The following MTHFD1 variants were observed in gnomAD, a reference collection of about 807,000 sequenced individuals.
MTHFD1 encodes methylenetetrahydrofolate dehydrogenase, cyclohydrolase and formyltetrahydrofolate synthetase 1.
In MTHFD1, 44 loss-of-function variants were observed where a neutral mutation model predicts 110.3. The observed-to-expected ratio is 0.40, with a 90% confidence interval of 0.31 to 0.51. The LOEUF (loss-of-function observed/expected upper bound fraction) is 0.51. Among genes scored for constraint, MTHFD1 ranks in the 20% least tolerant of loss-of-function variants. The pLI, the probability that MTHFD1 is intolerant of heterozygous loss-of-function variation, is 0.60. For synonymous variants in MTHFD1, 402 were observed against 428.8 expected, an observed-to-expected ratio of 0.94 and a Z score of 0.77; for missense variants, 909 against 1,173.1, an observed-to-expected ratio of 0.77 and a Z score of 3.29.
intron 23 of MTHFD1, chr14:64,449,042 T>G (rs974804791): frequency 1.8e-4 from 59 of 319,528 alleles, no homozygotes; most frequent in Middle Eastern, 2.3e-3. Context: ...CTCGTGATTC[T>G]CCCACCTCGG....
At chr14:64,408,711 C>T (rs1466704945) in intron 2 of MTHFD1, among the ~76,000 whole-genome samples, 1 of 152,184 alleles carries the variant, frequency 6.6e-6, no homozygotes, top group Non-Finnish European at 1.5e-5. Flanking sequence ...AGCACTTTGG[C>T]AGGCTGAGGC....
intron 8 of MTHFD1, among the ~76,000 whole-genome samples, chr14:64,423,908 T>A (rs1222761444): frequency 6.6e-6 from 1 of 151,788 alleles, no homozygotes; most frequent in South Asian, 2.1e-4. Context: ...TTTGTATTTT[T>A]AGCAGAGACG....
chr14:64,451,532 A>C lies in MTHFD1; in HGVS notation c.2457+1910A>C, dbSNP rs1354808692. On this transcript the variant is annotated intron_variant, in intron 24 of 27. Coordinates refer to ENST00000652337, the MANE Select transcript of MTHFD1 (RefSeq NM_005956.4). ...AAGTTTTAAAATCTGTTCAGCAATC[A>C]TCCTTTTAGAAAAATGCCATAAACA... Among the ~76,000 whole-genome samples the C allele has an allele frequency of 2.0e-5, 3 of 152,244 alleles. No individual in the cohort carries two copies. The East Asian group carries it at 5.8e-4, about 29-fold the overall frequency.
At chr14:64,404,898 G>A (rs1381884077) in intron 2 of MTHFD1, among the ~76,000 whole-genome samples, 1 of 152,040 alleles carries the variant, frequency 6.6e-6, no homozygotes, top group Non-Finnish European at 1.5e-5. Flanking sequence ...TTGAACCTGG[G>A]GGACAGAGGT....
At chr14:64,449,057 C>T (rs897161649) in intron 23 of MTHFD1, 19 of 324,862 alleles carry the variant, frequency 5.8e-5, no homozygotes, top group Admixed American at 3.2e-4. Flanking sequence ...CCTCGGCCTC[C>T]CAAAGTGTTG....
chr14:64,392,364 A>G lies in MTHFD1; in HGVS notation c.41+3896A>G, dbSNP rs572743608. On this transcript the variant is annotated intron_variant, in intron 1 of 27. Transcript: ENST00000652337. ...TGTTGGAAGACCCACCTTGCTTTGT[A>G]GGCAAGAAAGCATAGTTGTTCTATA... Among the ~76,000 whole-genome samples, 5 of 152,340 alleles carry G rather than the reference A, an allele frequency of 3.3e-5. No homozygotes were observed. The South Asian group carries it at 8.3e-4, about 25-fold the overall frequency.
intron 12 of MTHFD1, among the ~76,000 whole-genome samples, chr14:64,428,293 T>G (rs2078133700): frequency 6.6e-6 from 1 of 151,494 alleles, no homozygotes; most frequent in African/African-American, 2.4e-5. Context: ...TTTTTGTATT[T>G]TTGGTAGAGA....
chr14:64,427,507 G>A lies in MTHFD1; in HGVS notation c.1264+34G>A, dbSNP rs529288347. 3.0e-5 allele frequency: 49 copies of A among 1,612,324 alleles called. 1 individual carries two copies. The South Asian group carries it at 4.4e-4, about 14-fold the overall frequency. On this transcript the variant is annotated intron_variant, in intron 12 of 27. Transcript: ENST00000652337. The stretch of plus-strand genomic sequence containing the variant: ...GAGACTGGACCATGGGTGGTGACAG[G>A]GGACCTGCTTCTCCTTCAGTCCTCC...
At chr14:64,449,226 C>T (rs966273423) in intron 23 of MTHFD1, 4 of 615,364 alleles carry the variant, frequency 6.5e-6, no homozygotes, top group African/African-American at 3.7e-5. Context: ...TGATTATTCG[C>T]GTATTACCAG....
rs988955382 is a variant in MTHFD1 at position 64,430,055 on chromosome 14, C to T, written c.1265-129C>T. 1.9e-5 allele frequency: 17 copies of T among 873,278 alleles called. No individual in the cohort carries two copies. In the South Asian group the frequency reaches 2.2e-4, roughly 11 times the overall value. The allele number at this position is 873,278 out of a possible 1,614,324, so 54.1% of individuals were successfully genotyped here. On this transcript the variant is annotated intron_variant, in intron 12 of 27. Coordinates refer to ENST00000652337, the MANE Select transcript of MTHFD1 (RefSeq NM_005956.4). ...TTAGAAAACACTTGATCAAAACTGT[C>T]CAAATGATTCTAAAAAATAAATAAA...
At chr14:64,457,923 T>C in intron 26 of MTHFD1, 1 of 503,786 alleles carries the variant, frequency 2.0e-6, no homozygotes, top group Non-Finnish European at 3.6e-6. Flanking sequence ...ATTTTAGACA[T>C]GGCCTTGCTC....
intron 1 of MTHFD1, among the ~76,000 whole-genome samples, chr14:64,396,869 C>A (rs1267338758): frequency 6.7e-6 from 1 of 148,538 alleles, no homozygotes; most frequent in African/African-American, 2.5e-5. Context: ...CTTTGGGAGG[C>A]CGAGGAGGGC....
intron 1 of MTHFD1, among the ~76,000 whole-genome samples, chr14:64,397,168 TA>T (rs2077861022): frequency 1.1e-4 from 2 of 18,788 alleles, no homozygotes; most frequent in Non-Finnish European, 1.9e-4. Flanking sequence ...TATATATATA[TA>T]TATATATATA....
rs1183728797 is a variant in MTHFD1 at position 64,454,676 on chromosome 14, G to A, written c.2566-47G>A. On this transcript the variant is annotated intron_variant, in intron 25 of 27. Transcript: ENST00000652337. ...ACAGGGCCCAGATGGTCATTGCTGGGTTGTCATCTTTTCATTTGTCCTCCC... is the reference window on the plus strand; with the variant it reads ...ACAGGGCCCAGATGGTCATTGCTGGATTGTCATCTTTTCATTTGTCCTCCC... The A allele has an allele frequency of 4.5e-6, 7 of 1,538,592 alleles. No homozygotes were observed. The South Asian group carries it at 5.6e-5, about 12-fold the overall frequency.
intron 2 of MTHFD1, among the ~76,000 whole-genome samples, chr14:64,405,458 A>G (rs1023442541): frequency 6.6e-6 from 1 of 152,212 alleles, no homozygotes; most frequent in African/African-American, 2.4e-5. Context: ...TACAAGGTTT[A>G]TATAATATGT....
chr14:64,454,709 C>T lies in MTHFD1; in HGVS notation c.2566-14C>T. 1 of 1,610,708 alleles carries T rather than the reference C, an allele frequency of 6.2e-7. No homozygotes were observed. ...CTTTTCATTTGTCCTCCCTCTCTTCCCTTCTTTCCCCAGGGCTTTGGGAAT... is the reference window on the plus strand; with the variant it reads ...CTTTTCATTTGTCCTCCCTCTCTTCTCTTCTTTCCCCAGGGCTTTGGGAAT... On this transcript the variant is annotated splice_polypyrimidine_tract_variant and intron_variant, in intron 25 of 27. Coordinates refer to ENST00000652337, the MANE Select transcript of MTHFD1 (RefSeq NM_005956.4).
At chr14:64,438,953 C>T (rs2078227242) in intron 16 of MTHFD1, 143 bp from the exon 17 acceptor site, 1 of 713,220 alleles carries the variant, frequency 1.4e-6, no homozygotes, top group South Asian at 1.5e-5. Context: ...TTAACTTTAA[C>T]ACATATTCTA....
rs981668204 is a variant in MTHFD1, at chr14:64,415,246, T to C, written c.241-112T>C. 5.8e-6 allele frequency: 5 copies of C among 860,900 alleles called. 1 individual carries two copies. The highest frequency in any genetic ancestry group is 5.5e-5 in the South Asian group (4 of 72,352). 53.3% of individuals were successfully genotyped at this position (860,900 alleles called of 1,614,324 possible). A position where few individuals can be genotyped will look rare whatever the true frequency, so the allele number is the denominator to read the frequency against. ...GGGAAGGTACATTCTGAAAGGACTA[T>C]AATTAAAGTGTTGGGGGGAAATAGG... On this transcript the variant is annotated intron_variant, in intron 4 of 27. Coordinates refer to ENST00000652337, the MANE Select transcript of MTHFD1 (RefSeq NM_005956.4).
chr14:64,419,730 C>A, intron 7 of MTHFD1, 84 bp from the exon 8 acceptor site: 2 of 901,464 alleles, frequency 2.2e-6, no homozygotes, highest in African/African-American at 3.3e-5. Flanking sequence ...ATACAAAGCT[C>A]AGGGATATCC....
Sources: allele counts gnomAD v4.1 joint callset (sites outside exome capture counted in the v4.1 genomes callset), GRCh38; gene constraint gnomAD v4.1.1; transcripts MANE v1.5; gene names NCBI Gene and HGNC (gene_info 2026-07-23, HGNC 2026-07-21).